Variants in CPNE4 observed in about 807,000 individuals in gnomAD.
CPNE4 encodes the protein copine-4.
A neutral mutation model predicts 67.9 loss-of-function variants in CPNE4; 25 were observed. The ratio of observed to expected loss-of-function variants is 0.37; its 90% confidence interval spans 0.27 to 0.51. The LOEUF (loss-of-function observed/expected upper bound fraction) is 0.51. CPNE4 is among the 20% of genes least tolerant of loss of function. The pLI, the probability that CPNE4 is intolerant of heterozygous loss-of-function variation, is 0.93. For missense variants in CPNE4, 464 were observed against 690.8 expected (o/e 0.67, Z 3.68); for synonymous variants, 242 against 244.9 (o/e 0.99, Z 0.11).
intron 2 of CPNE4, among the ~76,000 whole-genome samples, chr3:131,789,636 G>A (rs534986099): frequency 2.6e-5 from 4 of 152,296 alleles, no homozygotes; most frequent in South Asian, 4.1e-4. Context: ...TGTTTGCTAT[G>A]ATTATTCAAT....
chr3:131,950,244 A>G (rs2107883711), intron 1 of CPNE4, among the ~76,000 whole-genome samples: 1 of 152,324 alleles, frequency 6.6e-6, no homozygotes, highest in East Asian at 1.9e-4. Context: ...TTGATGCATT[A>G]ACAGTGAACT....
chr3:131,573,654 G>T (rs1032024694), intron 10 of CPNE4, among the ~76,000 whole-genome samples: 3 of 152,064 alleles, frequency 2.0e-5, no homozygotes, highest in Non-Finnish European at 4.4e-5. Context: ...TTTTGCCTAA[G>T]ATCTTGGGAA....
intron 15 of CPNE4, chr3:131,538,814 T>C (rs1935319481): frequency 6.6e-6 from 1 of 152,314 alleles, no homozygotes; most frequent in African/African-American, 2.4e-5. Context: ...GCTTTCCTTC[T>C]CCTTGTGTCT....
In CPNE4 at chr3:131,758,846, C is replaced by T. The variant is rs758137684; in HGVS notation, c.181-35221G>A. Among the ~76,000 whole-genome samples, 32 of 152,192 alleles carry T rather than the reference C, an allele frequency of 2.1e-4. 1 individual carries two copies. Among genetic ancestry groups the T allele is most frequent in the Admixed American group, 3.3e-4 (5 of 15,270 alleles). On this transcript the variant is annotated intron_variant, in intron 2 of 15. Transcript: ENST00000429747. ...ATCTGATTGGCTCATCTGGGGTTTC[C>T]GCTTTTGCTTATTCCTCATTTTCTC...
chr3:131,769,627 C>G (rs2083112970), intron 2 of CPNE4, among the ~76,000 whole-genome samples: 1 of 152,104 alleles, frequency 6.6e-6, no homozygotes, highest in South Asian at 2.1e-4. Context: ...AAAGGACAAG[C>G]AATACTGTGT....
chr3:131,861,735 G>A (rs1227306908), intron 2 of CPNE4, among the ~76,000 whole-genome samples: 3 of 151,398 alleles, frequency 2.0e-5, no homozygotes, highest in East Asian at 3.9e-4. Context: ...GCCCGGCCTA[G>A]GATATCTCAT....
chr3:131,969,879 T>A (rs1348823484), intron 1 of CPNE4, among the ~76,000 whole-genome samples: 1 of 152,238 alleles, frequency 6.6e-6, no homozygotes, highest in Non-Finnish European at 1.5e-5. Flanking sequence ...ACCAGCTGTG[T>A]AACCACAGAC....
At chr3:131,644,060 C>A (rs1041830594) in intron 7 of CPNE4, among the ~76,000 whole-genome samples, 2 of 152,092 alleles carry the variant, frequency 1.3e-5, no homozygotes, top group Non-Finnish European at 2.9e-5. Context: ...ATAGTCTGTA[C>A]CATTGGTTCT....
intron 2 of CPNE4, among the ~76,000 whole-genome samples, chr3:131,741,089 T>C (rs984115555): frequency 3.9e-5 from 6 of 152,232 alleles, no homozygotes; most frequent in Non-Finnish European, 8.8e-5. Flanking sequence ...TAACATTTCC[T>C]ATTTCCATTT....
intron 7 of CPNE4, among the ~76,000 whole-genome samples, chr3:131,635,863 C>T (rs2079367269): frequency 1.2e-5 from 1 of 84,020 alleles, no homozygotes; most frequent in Admixed American, 1.0e-4. Flanking sequence ...GGGCGGATCA[C>T]GAGGTCAGGA....
At chr3:132,015,032 TATATA>T (rs2073858002) in intron 1 of CPNE4, among the ~76,000 whole-genome samples, 1 of 152,344 alleles carries the variant, frequency 6.6e-6, no homozygotes, top group African/African-American at 2.4e-5. Context: ...GCTGCTCAAA[TATATA>T]ATTTATTTAT....
intron 1 of CPNE4, among the ~76,000 whole-genome samples, chr3:131,979,571 G>T (rs979086021): frequency 1.3e-5 from 2 of 152,072 alleles, no homozygotes; most frequent in Non-Finnish European, 1.5e-5. Flanking sequence ...CTTATGTGAG[G>T]CCTTATATGT....
At chr3:131,591,412 C>T (rs1268733923) in intron 7 of CPNE4, among the ~76,000 whole-genome samples, 1 of 152,164 alleles carries the variant, frequency 6.6e-6, no homozygotes, top group Non-Finnish European at 1.5e-5. Context: ...GGACAGGGCA[C>T]ACATCCCATT....
chr3:131,772,079 G>A (rs1434278220), intron 2 of CPNE4, among the ~76,000 whole-genome samples: 8 of 152,040 alleles, frequency 5.3e-5, no homozygotes, highest in African/African-American at 1.9e-4. Flanking sequence ...GAAGTTCGTG[G>A]AGGGAGATGT....
chr3:131,638,319 C>T (rs774659585), intron 7 of CPNE4, among the ~76,000 whole-genome samples: 1 of 152,064 alleles, frequency 6.6e-6, no homozygotes, highest in Non-Finnish European at 1.5e-5. Flanking sequence ...GAAGGACTCA[C>T]ATAAACTTAA....
At chr3:131,908,256 A>G (rs143942977) in intron 1 of CPNE4, among the ~76,000 whole-genome samples, 3 of 152,270 alleles carry the variant, frequency 2.0e-5, no homozygotes, top group African/African-American at 7.2e-5. Flanking sequence ...TAGCTTCATA[A>G]ACCATTTTCC....
At chr3:131,933,605 A>G (rs530717879) in intron 1 of CPNE4, among the ~76,000 whole-genome samples, 1 of 152,188 alleles carries the variant, frequency 6.6e-6, no homozygotes, top group Non-Finnish European at 1.5e-5. Context: ...TATTAACAGT[A>G]GCCAAGCTAT....
At chr3:131,715,789 C>T (rs1158855657) in intron 3 of CPNE4, among the ~76,000 whole-genome samples, 1 of 152,180 alleles carries the variant, frequency 6.6e-6, no homozygotes, top group Non-Finnish European at 1.5e-5. Context: ...AAAATAAATG[C>T]ATCACATTAA....
intron 1 of CPNE4, among the ~76,000 whole-genome samples, chr3:131,988,496 C>T (rs2073107154): frequency 6.6e-6 from 1 of 152,158 alleles, no homozygotes; most frequent in African/African-American, 2.4e-5. Flanking sequence ...ATGATATTAG[C>T]TTGGATGAGG....
Sources: allele counts gnomAD v4.1 joint callset (sites outside exome capture counted in the v4.1 genomes callset), GRCh38; gene constraint gnomAD v4.1.1; transcripts MANE v1.5; gene names NCBI Gene and HGNC (gene_info 2026-07-23, HGNC 2026-07-21).